ITGAV: variants seen among roughly 807,000 people sequenced by gnomAD.
ITGAV encodes integrin alpha-V.
Under a neutral mutation model 143.8 loss-of-function variants are expected in ITGAV, and 76 were observed. The ratio of observed to expected loss-of-function variants is 0.53; its 90% CI spans 0.44 to 0.64. The LOEUF (loss-of-function observed/expected upper bound fraction) is 0.64. Among genes scored for constraint, ITGAV ranks in the 30% least tolerant of loss-of-function variants. The pLI is 0.00. For missense variants in ITGAV, 1,193 were observed against 1,274.7 expected, an observed-to-expected ratio of 0.94 and a Z score of 0.98; for synonymous variants, 453 against 446.7, an observed-to-expected ratio of 1.01 and a Z score of -0.18.
chr2:186,596,871 A>G (rs1480347021), intron 1 of ITGAV, among the ~76,000 whole-genome samples: 1 of 152,202 alleles, frequency 6.6e-6, no homozygotes, highest in Non-Finnish European at 1.5e-5. Context: ...AAAAACTTAA[A>G]TATCTTAATG....
At chr2:186,664,314 T>C (rs896600148) in intron 19 of ITGAV, among the ~76,000 whole-genome samples, 180 bp from the exon 20 acceptor site, 1 of 152,198 alleles carries the variant, frequency 6.6e-6, no homozygotes, top group African/African-American at 2.4e-5. Flanking sequence ...AGAGAAGCAT[T>C]CGATTTGCAC....
At position 186,646,837 on chromosome 2, in the gene ITGAV, A is replaced by C. The variant is rs777864695; in HGVS notation, c.1311A>C (p.Ser437=). 1.9e-6 allele frequency: 3 copies of C among 1,607,852 alleles called. No individual in the cohort carries two copies. The East Asian group carries it at 6.7e-5, about 36-fold the overall frequency. Residue 437 remains serine, a synonymous_variant, in exon 13 of 30, where the codon TCA becomes TCC. Coordinates refer to ENST00000261023, the MANE Select transcript of ITGAV (RefSeq NM_002210.5). ...ARSMPPSFGY[S]MKGATDIDKN... Reference sequence around the variant, plus strand: ...GCATGCCACCAAGCTTTGGCTATTCAATGAAAGGAGCCACAGATATAGACA... The same window carrying C: ...GCATGCCACCAAGCTTTGGCTATTCCATGAAAGGAGCCACAGATATAGACA...
At chr2:186,663,733 T>G (rs1688811433) in intron 18 of ITGAV, 35 bp from the exon 19 acceptor site, 2 of 1,512,444 alleles carry the variant, frequency 1.3e-6, no homozygotes, top group African/African-American at 2.7e-5. Flanking sequence ...TGCATTGGTA[T>G]TTTTCATGTA....
At chr2:186,633,243 ATATATCT>A in intron 5 of ITGAV, 79 bp from the exon 6 acceptor site, 1 of 742,920 alleles carries the variant, frequency 1.3e-6, no homozygotes. Flanking sequence ...ACATATACAT[ATATATCT>A]TATGTTTTTC....
At chr2:186,621,508 A>C (rs1351872044) in intron 2 of ITGAV, among the ~76,000 whole-genome samples, 1 of 152,180 alleles carries the variant, frequency 6.6e-6, no homozygotes, top group South Asian at 2.1e-4. Flanking sequence ...CATTTATCCC[A>C]ATAAAGTCCT....
Position 186,668,981 on chromosome 2 carries a change from T to C in ITGAV, c.2592+61T>C, listed in dbSNP as rs1333242283. ...TATTTCATTGCCTTCTTTCTAAACC[T>C]GTAAAAGAAATTCATAAAATAAAAC... On this transcript the variant is annotated intron_variant, in intron 25 of 29. Transcript: ENST00000261023. 6 of 1,386,156 alleles carry C rather than the reference T, an allele frequency of 4.3e-6. No homozygotes were observed. In the East Asian group the frequency reaches 1.2e-4, roughly 27 times the overall value. The allele number at this position is 1,386,156 out of a possible 1,614,324, so 85.9% of individuals were successfully genotyped here. A position where few individuals can be genotyped will look rare whatever the true frequency, so the allele number is the denominator to read the frequency against.
rs182908526 is a variant in ITGAV at position 186,662,411 on chromosome 2, A to G, written c.1858-1357A>G. ...ACGAATCTTTGTCCAATATATAGCC[A>G]CTTGCAAGCCTCATGTGGCTTCTGA... is the stretch of plus-strand genomic sequence containing the variant. On this transcript the variant is annotated intron_variant, in intron 18 of 29. Coordinates refer to ENST00000261023, the MANE Select transcript of ITGAV (RefSeq NM_002210.5). Among the ~76,000 whole-genome samples, 312 of 152,088 alleles carry G rather than the reference A, an allele frequency of 2.1e-3. 1 individual carries two copies. The highest frequency in any genetic ancestry group is 7.1e-3 in the African/African-American group (296 of 41,514).
intron 18 of ITGAV, among the ~76,000 whole-genome samples, chr2:186,660,748 G>C (rs1688723256): frequency 6.6e-6 from 1 of 152,134 alleles, no homozygotes; most frequent in African/African-American, 2.4e-5. Context: ...ACCACAGAAT[G>C]GGTGGCTTAA....
At chr2:186,623,627 G>A (rs958236076) in intron 3 of ITGAV, among the ~76,000 whole-genome samples, 3 of 152,064 alleles carry the variant, frequency 2.0e-5, no homozygotes, top group Non-Finnish European at 4.4e-5. Context: ...ATCCTTAAAG[G>A]CATATTTCCA....
At chr2:186,640,419 G>C (rs77238834) in intron 10 of ITGAV, among the ~76,000 whole-genome samples, 1 of 152,154 alleles carries the variant, frequency 6.6e-6, no homozygotes, top group Non-Finnish European at 1.5e-5. Flanking sequence ...TTAAACAGTA[G>C]TAGTAGTTAC....
chr2:186,670,019 A>T, intron 26 of ITGAV: 1 of 514,442 alleles, frequency 1.9e-6, no homozygotes, highest in South Asian at 2.3e-5. Context: ...TAGATGGCTA[A>T]TAAAACTAGT....
intron 10 of ITGAV, 86 bp downstream of exon 10, chr2:186,638,551 A>G: frequency 2.2e-6 from 2 of 909,398 alleles, no homozygotes; most frequent in Non-Finnish European, 3.5e-6. Context: ...AAACTGTAAA[A>G]ATGAACTATA....
intron 1 of ITGAV, among the ~76,000 whole-genome samples, chr2:186,593,372 C>A: frequency 6.6e-6 from 1 of 151,716 alleles, no homozygotes; most frequent in East Asian, 1.9e-4. Context: ...GGCGGCCCCT[C>A]AAAAAATCAC....
chr2:186,652,166 G>C (rs545308060), intron 15 of ITGAV, 77 bp downstream of exon 15: 1 of 883,388 alleles, frequency 1.1e-6, no homozygotes, highest in East Asian at 2.5e-5. Context: ...AAATGAAGGT[G>C]GTAGGGCTGA....
chr2:186,598,011 T>C (rs1339858487), intron 1 of ITGAV, among the ~76,000 whole-genome samples: 3 of 152,158 alleles, frequency 2.0e-5, no homozygotes, highest in Admixed American at 2.0e-4. Context: ...GAACCAGTTC[T>C]CCTATCCTGA....
intron 12 of ITGAV, among the ~76,000 whole-genome samples, chr2:186,643,848 A>G (rs981862926): frequency 1.3e-5 from 2 of 152,254 alleles, no homozygotes; most frequent in Non-Finnish European, 2.9e-5. Flanking sequence ...CATGTATAAA[A>G]TAATGAAACG....
At chr2:186,666,923 A>G (rs1688914250) in intron 22 of ITGAV, 140 bp downstream of exon 22, 3 of 570,170 alleles carry the variant, frequency 5.3e-6, no homozygotes, top group Middle Eastern at 4.8e-4. Context: ...CAATATTTAC[A>G]TTATAAGAAT....
chr2:186,632,147 A>G (rs1253059037), intron 5 of ITGAV, among the ~76,000 whole-genome samples: 1 of 152,128 alleles, frequency 6.6e-6, no homozygotes, highest in Admixed American at 6.6e-5. Flanking sequence ...AATACTCTAA[A>G]TTTCATACTA....
chr2:186,630,487 T>C (rs1687787255), intron 4 of ITGAV, among the ~76,000 whole-genome samples: 1 of 152,078 alleles, frequency 6.6e-6, no homozygotes, highest in Non-Finnish European at 1.5e-5. Flanking sequence ...GGTGTTGGGT[T>C]GTGATATAAA....
Sources: allele counts gnomAD v4.1 joint callset (sites outside exome capture counted in the v4.1 genomes callset), GRCh38; gene constraint gnomAD v4.1.1; transcripts MANE v1.5; gene names NCBI Gene and HGNC (gene_info 2026-07-23, HGNC 2026-07-21).